Variants in LMTK3 observed in about 807,000 individuals in gnomAD.
The protein encoded by LMTK3 is serine/threonine-protein kinase LMTK3.
LMTK3 carries 27 observed loss-of-function variants against 116.7 expected under a neutral mutation model. The ratio of observed to expected loss-of-function variants is 0.23; its 90% CI spans 0.17 to 0.32. The LOEUF is 0.32. LMTK3 is among the 10% of genes least tolerant of loss of function. The pLI is 1.00. For synonymous variants in LMTK3, 965 were observed against 971.0 expected (o/e 0.99, Z 0.11); for missense variants, 1,764 against 2,068.5 (o/e 0.85, Z 2.86).
At chr19:48,511,898 A>T, upstream of LMTK3, 2 of 238,920 alleles carry the variant, frequency 8.4e-6, no homozygotes, top group Non-Finnish European at 1.6e-5. Flanking sequence ...GGCAGCCAGG[A>T]TTGGGGGAGC....
In LMTK3 at chr19:48,499,037, A is replaced by G; in HGVS notation, c.2032T>C (p.Cys678Arg). 6.7e-7 allele frequency: 1 copy of G among 1,489,550 alleles called. No homozygotes were observed. The highest frequency in any genetic ancestry group is 8.9e-7 in the Non-Finnish European group (1 of 1,120,766). 92.3% of individuals were successfully genotyped at this position (1,489,550 alleles called of 1,614,324 possible). The stretch of plus-strand genomic sequence containing the variant: ...CCCCGCTCCAGTGGCAGGCAGGAGC[A>G]GGCCCCCTCGCGGCTGCACAGGGGA... Reference protein sequence around the residue: ...PCPLCSREGACSCLPLERGDA... With the variant: ...PCPLCSREGARSCLPLERGDA... Residue 678 changes from cysteine (C) to arginine (R), a missense_variant, in exon 11 of 15, where the codon TGC (cysteine) becomes CGC (arginine). Coordinates refer to ENST00000600059, the MANE Select transcript of LMTK3 (RefSeq NM_001388485.1).
At chr19:48,507,375 CG>C (rs1240544000) in intron 5 of LMTK3, among the ~76,000 whole-genome samples, 3 of 152,138 alleles carry the variant, frequency 2.0e-5, no homozygotes, top group African/African-American at 7.2e-5. Context: ...GCCCAGCAAA[CG>C]TCTACTGAGA....
chr19:48,486,894 C>CTCA lies in LMTK3; in HGVS notation c.4367-1108_4367-1106dup, dbSNP rs752410807. ...TTGCTTGTTTGTTTTGAGATGGAGT[C>CTCA]TCACTCTGTTGCCCAGGCTGGCATG... is the stretch of plus-strand genomic sequence containing the variant. On this transcript the variant is annotated intron_variant, in intron 14 of 14. Coordinates refer to ENST00000600059, the MANE Select transcript of LMTK3 (RefSeq NM_001388485.1). 1.3e-3 allele frequency among the ~76,000 whole-genome samples: 198 copies of CTCA among 152,108 alleles called. 1 individual carries two copies. Among genetic ancestry groups the CTCA allele is most frequent in the Non-Finnish European group, 2.5e-3 (170 of 67,996 alleles).
In LMTK3 at chr19:48,500,958, T is replaced by A; in HGVS notation, c.1151+38A>T. On this transcript the variant is annotated intron_variant, in intron 10 of 14. Transcript: ENST00000600059. The surrounding 1 kb of genome is among the most constrained non-coding windows in gnomAD (Gnocchi z 4.0). ...GATGCTGGGACCATCCTGGGTGGGG[T>A]GCGGCAGGCCAGGAGCCCCGGGTGG... is the stretch of plus-strand genomic sequence containing the variant. 3 of 1,466,806 alleles carry A rather than the reference T, an allele frequency of 2.0e-6. No individual in the cohort carries two copies. Among genetic ancestry groups the A allele is most frequent in the Non-Finnish European group, 2.7e-6 (3 of 1,110,518 alleles). 90.9% of individuals were successfully genotyped at this position (1,466,806 alleles called of 1,614,324 possible). A position where few individuals can be genotyped will look rare whatever the true frequency, so the allele number is the denominator to read the frequency against.
At position 48,493,867 on chromosome 19, in the gene LMTK3, G is replaced by T. The variant is rs1286159023; in HGVS notation, c.3919C>A (p.Arg1307=). The part of the protein sequence containing the change: ...AAGPRGPGRA[R]AAPVPVVVSS... Reference sequence around the variant, plus strand: ...ACCACGACGGGCACCGGGGCTGCTCGCGCCCTCCCGGGGCCCCGCGGCCCC... The same window carrying T: ...ACCACGACGGGCACCGGGGCTGCTCTCGCCCTCCCGGGGCCCCGCGGCCCC... The change falls in exon 12 of 15, where the codon CGA becomes AGA. Residue 1307 remains arginine, a synonymous_variant. Transcript: ENST00000600059. 1 of 1,198,896 alleles carries T rather than the reference G, an allele frequency of 8.3e-7. No homozygotes were observed. The highest frequency in any genetic ancestry group is 1.0e-6 in the Non-Finnish European group (1 of 967,596). The allele number at this position is 1,198,896 out of a possible 1,614,324, so 74.3% of individuals were successfully genotyped here. A position where few individuals can be genotyped will look rare whatever the true frequency, so the allele number is the denominator to read the frequency against.
intron 14 of LMTK3, among the ~76,000 whole-genome samples, chr19:48,486,475 A>C (rs1301255928): frequency 2.0e-5 from 3 of 151,590 alleles, no homozygotes; most frequent in Non-Finnish European, 4.4e-5. Context: ...TTTCTCACTC[A>C]TTTCCCTCTG....
Position 48,497,620 on chromosome 19 carries a change from A to AGCGGTGGCG in LMTK3, c.3440_3448dup (p.Pro1147_Pro1149dup), listed in dbSNP as rs56410891. ...CGGCTGTGCCTCCGGTGGCGGTGGC[A>AGCGGTGGCG]GCGGTGGCGGCGGTGGCTGCGGCCT... On this transcript the variant is annotated inframe_insertion, in exon 11 of 15. Transcript: ENST00000600059. The surrounding 1 kb of genome is among the most constrained non-coding windows in gnomAD (Gnocchi z 5.7). 2.3e-6 allele frequency: 3 copies of AGCGGTGGCG among 1,299,930 alleles called. No individual in the cohort carries two copies. The highest frequency in any genetic ancestry group is 2.3e-5 in the South Asian group (1 of 43,106). The allele number at this position is 1,299,930 out of a possible 1,614,324, so 80.5% of individuals were successfully genotyped here.
Position 48,511,556 on chromosome 19 carries a change from G to T in LMTK3, c.21C>A (p.Leu7=). 1 of 1,449,324 alleles carries T rather than the reference G, an allele frequency of 6.9e-7. No homozygotes were observed. The highest frequency in any genetic ancestry group is 2.7e-5 in the East Asian group (1 of 36,586). The allele number at this position is 1,449,324 out of a possible 1,614,324, so 89.8% of individuals were successfully genotyped here. A position where few individuals can be genotyped will look rare whatever the true frequency, so the allele number is the denominator to read the frequency against. The change falls in exon 1 of 15, where the codon CTC becomes CTA. Residue 7 remains leucine, a synonymous_variant. Transcript: ENST00000600059. The stretch of plus-strand genomic sequence containing the variant: ...AGGCGGAGACGGCCGCAAGGAGGAT[G>T]AGGGCGCCGGGGGCAGGCATCTTGT... MPAPGA[L]ILLAAVSASG... is the part of the protein sequence containing the mutation.
In LMTK3 at chr19:48,494,480, C is replaced by A. The variant is rs1035086528; in HGVS notation, c.3677-371G>T. On this transcript the variant is annotated intron_variant, in intron 11 of 14. Transcript: ENST00000600059. This position sits in a 1 kb window ranked among gnomAD's most constrained non-coding sequence, Gnocchi z 4.0. ...ATAGCTGGGACTACAGGCGCACGTG[C>A]CACCATGCCCGGCTAATTTTTTGTA... Among the ~76,000 whole-genome samples the A allele has an allele frequency of 6.6e-6, 1 of 152,198 alleles. No individual in the cohort carries two copies. Among genetic ancestry groups the A allele is most frequent in the South Asian group, 2.1e-4 (1 of 4,832 alleles).
intron 14 of LMTK3, among the ~76,000 whole-genome samples, chr19:48,490,330 C>T (rs1290154309): frequency 6.6e-6 from 1 of 151,932 alleles, no homozygotes; most frequent in African/African-American, 2.4e-5. Flanking sequence ...TGGAGACCAG[C>T]CTGGCCAACA....
In LMTK3 at chr19:48,497,464, C is replaced by T. The variant is rs752815602; in HGVS notation, c.3605G>A (p.Arg1202Lys). ...SGDGDPPKPERKGPEMPRLFL... is the reference protein window; with the variant it reads ...SGDGDPPKPEKKGPEMPRLFL... Reference sequence around the variant, plus strand: ...TAGTCGTGGCATCTCGGGGCCCTTCCTCTCGGGCTTGGGGGGGTCCCCGTC... The same window carrying T: ...TAGTCGTGGCATCTCGGGGCCCTTCTTCTCGGGCTTGGGGGGGTCCCCGTC... Residue 1202 changes from arginine to lysine, a missense_variant, in exon 11 of 15, where the codon AGG (arginine) becomes AAG (lysine). Arg to Lys is a conservative substitution (Grantham distance 26, BLOSUM62 2). Coordinates refer to ENST00000600059, the MANE Select transcript of LMTK3 (RefSeq NM_001388485.1). This position sits in a 1 kb window ranked among gnomAD's most constrained non-coding sequence, Gnocchi z 5.7. The T allele has an allele frequency of 3.2e-5, 49 of 1,526,282 alleles. No homozygotes were observed. Among genetic ancestry groups the T allele is most frequent in the South Asian group, 3.8e-5 (3 of 79,314 alleles). The allele number at this position is 1,526,282 out of a possible 1,614,324, so 94.5% of individuals were successfully genotyped here.
At chr19:48,510,375 C>G (rs1186299239) in intron 2 of LMTK3, 84 bp downstream of exon 2, 11 of 1,510,534 alleles carry the variant, frequency 7.3e-6, no homozygotes, top group Non-Finnish European at 9.8e-6. Context: ...TTACTGCCCC[C>G]TTCTCCCCAC....
rs1972286811 is a variant in LMTK3 at position 48,494,348 on chromosome 19, C to G, written c.3677-239G>C. Reference sequence around the variant, plus strand: ...TAAGCCGCAACTTCCCACAGCCCACCAGGCCCTCATGCCCTGGCCTACCTG... The same window carrying G: ...TAAGCCGCAACTTCCCACAGCCCACGAGGCCCTCATGCCCTGGCCTACCTG... On this transcript the variant is annotated intron_variant, in intron 11 of 14. Transcript: ENST00000600059. This position sits in a 1 kb window ranked among gnomAD's most constrained non-coding sequence, Gnocchi z 4.0. Among the ~76,000 whole-genome samples, 1 of 152,232 alleles carries G rather than the reference C, an allele frequency of 6.6e-6. No individual in the cohort carries two copies. Among genetic ancestry groups the G allele is most frequent in the Admixed American group, 6.5e-5 (1 of 15,282 alleles).
intron 2 of LMTK3, 87 bp downstream of exon 2, chr19:48,510,372 C>T (rs1465585295): frequency 8.7e-6 from 13 of 1,502,454 alleles, no homozygotes; most frequent in Non-Finnish European, 1.1e-5. Context: ...GATTTACTGC[C>T]CCCTTCTCCC....
chr19:48,486,183 C>T (rs911767962), intron 14 of LMTK3, among the ~76,000 whole-genome samples: 1 of 148,284 alleles, frequency 6.7e-6, no homozygotes, highest in Non-Finnish European at 1.5e-5. Flanking sequence ...CCTCAGCCTC[C>T]CAAGTAGCTG....
intron 11 of LMTK3, among the ~76,000 whole-genome samples, chr19:48,496,307 TTTTTTTTC>T (rs1340322817): frequency 1.3e-5 from 2 of 151,404 alleles, no homozygotes; most frequent in African/African-American, 4.8e-5. Context: ...TTTTCTTTTT[TTTTTTTTC>T]TGAGACAGAG....
Position 48,498,799 on chromosome 19 carries a change from G to A in LMTK3, c.2270C>T (p.Pro757Leu). 1 of 1,237,430 alleles carries A rather than the reference G, an allele frequency of 8.1e-7. No homozygotes were observed. Among genetic ancestry groups the A allele is most frequent in the Non-Finnish European group, 1.0e-6 (1 of 957,902 alleles). 76.7% of individuals were successfully genotyped at this position (1,237,430 alleles called of 1,614,324 possible). Residue 757 changes from proline to leucine, a missense_variant, in exon 11 of 15, where the codon CCG (proline) becomes CTG (leucine). This residue lies in a region of LMTK3 where 1,028 missense variants were observed against 1,050.6 expected (regional missense o/e 0.98). Coordinates refer to ENST00000600059, the MANE Select transcript of LMTK3 (RefSeq NM_001388485.1). ...GTCCGCGGGGGCCCGAGGAGGTGGC[G>A]GCGGGGGGGGGGGAGCGGGAGGTGG... ...RGPPPAPPPPPPPPRAPADPA... is the reference protein window; with the variant it reads ...RGPPPAPPPPLPPPRAPADPA...
At chr19:48,496,138 C>G (rs1314860064) in intron 11 of LMTK3, among the ~76,000 whole-genome samples, 2 of 152,240 alleles carry the variant, frequency 1.3e-5, no homozygotes, top group African/African-American at 4.8e-5. Context: ...GAGACAGAGT[C>G]TTGCTCTGTC....
chr19:48,491,931 C>A lies in LMTK3; in HGVS notation c.4093-392G>T, dbSNP rs543907213. On this transcript the variant is annotated intron_variant, in intron 12 of 14. Transcript: ENST00000600059. The surrounding 1 kb of genome is among the most constrained non-coding windows in gnomAD (Gnocchi z 5.1). Reference sequence around the variant, plus strand: ...TCTTGACCTGCTCCAGTGGCCCTCCCAACCCCTGCCCCATCCTGAGCGCAT... The same window carrying A: ...TCTTGACCTGCTCCAGTGGCCCTCCAAACCCCTGCCCCATCCTGAGCGCAT... 7.2e-5 allele frequency among the ~76,000 whole-genome samples: 11 copies of A among 152,190 alleles called. No homozygotes were observed. The East Asian group carries it at 2.1e-3, about 29-fold the overall frequency.
Sources: gnomAD v4.1 joint callset for allele counts (sites outside exome capture counted in the v4.1 genomes callset) on GRCh38, gnomAD v4.1.1 for gene constraint, gnomAD v4.1.1 regional missense constraint, Gnocchi (gnomAD v3.1) non-coding constraint, MANE v1.5 for transcripts, NCBI Gene and HGNC (gene_info 2026-07-23, HGNC 2026-07-21) for gene names.